Variants in PCNP observed in about 807,000 individuals in gnomAD.
PCNP encodes the protein PEST proteolytic signal-containing nuclear protein.
A neutral mutation model predicts 21.8 loss-of-function variants in PCNP; 6 were observed. That is an observed-to-expected ratio of 0.28 (90% CI 0.15 to 0.54). PCNP has a LOEUF of 0.54. Ranked by LOEUF, PCNP falls within the 20% of genes least tolerant of loss-of-function variation. The pLI is 0.95. For synonymous variants in PCNP, 67 were observed against 73.2 expected (o/e 0.92, Z 0.43); for missense variants, 161 against 215.5 (o/e 0.75, Z 1.58).
chr3:101,593,060 G>A lies in PCNP; in HGVS notation c.*307G>A, dbSNP rs1935898459. On this transcript the variant is annotated 3_prime_UTR_variant, in exon 5 of 5. Transcript: ENST00000265260. ...CATATTTTTTTAGACACAACTATTA[G>A]TACATTAAGAGGGAAGCAAAGTTAC... 1 of 191,878 alleles carries A rather than the reference G, an allele frequency of 5.2e-6. No individual in the cohort carries two copies. The highest frequency in any genetic ancestry group is 1.1e-5 in the Non-Finnish European group (1 of 94,192). 11.9% of individuals were successfully genotyped at this position (191,878 alleles called of 1,614,324 possible).
chr3:101,584,199 C>T (rs948111143), intron 2 of PCNP, among the ~76,000 whole-genome samples: 9 of 152,026 alleles, frequency 5.9e-5, no homozygotes, highest in Non-Finnish European at 5.9e-5. Context: ...AGATGATAGC[C>T]CATTTAGGGG....
intron 3 of PCNP, among the ~76,000 whole-genome samples, chr3:101,586,302 G>C (rs1423920006): frequency 6.6e-6 from 1 of 151,864 alleles, no homozygotes; most frequent in Non-Finnish European, 1.5e-5. Context: ...GGTCCAGAAT[G>C]AGCATGAGAT....
At chr3:101,586,408 G>A (rs1935508561) in intron 3 of PCNP, among the ~76,000 whole-genome samples, 1 of 152,128 alleles carries the variant, frequency 6.6e-6, no homozygotes, top group East Asian at 1.9e-4. Flanking sequence ...TTTCAAGCAT[G>A]ATTCTGACTG....
intron 2 of PCNP, among the ~76,000 whole-genome samples, chr3:101,582,829 G>A (rs1039701242): frequency 6.6e-6 from 1 of 152,224 alleles, no homozygotes; most frequent in Non-Finnish European, 1.5e-5. Flanking sequence ...CAGTTAAGAT[G>A]TGAAGCCATA....
intron 3 of PCNP, among the ~76,000 whole-genome samples, chr3:101,589,366 A>C (rs182182444): frequency 1.3e-5 from 2 of 151,558 alleles, no homozygotes; most frequent in South Asian, 4.2e-4. Flanking sequence ...TTTCCCCACA[A>C]TTTTCAACAC....
intron 1 of PCNP, among the ~76,000 whole-genome samples, chr3:101,575,222 C>T (rs1934806957): frequency 6.6e-6 from 1 of 152,122 alleles, no homozygotes; most frequent in Admixed American, 6.6e-5. Context: ...AAACATTATT[C>T]TCTATTCTGA....
At chr3:101,575,560 AT>A (rs982691524) in intron 1 of PCNP, among the ~76,000 whole-genome samples, 6 of 151,594 alleles carry the variant, frequency 4.0e-5, no homozygotes, top group Non-Finnish European at 5.9e-5. Context: ...TCACTAGGGA[AT>A]TTTTTTTCCC....
At chr3:101,576,874 T>C (rs1401095720) in intron 1 of PCNP, 1 of 1,607,762 alleles carries the variant, frequency 6.2e-7, no homozygotes, top group East Asian at 2.2e-5. Context: ...AAAGGCTATT[T>C]TCCGCTGCCC....
rs539091137 is a variant in PCNP at position 101,586,368 on chromosome 3, T to A, written c.354+857T>A. 7.9e-5 allele frequency among the ~76,000 whole-genome samples: 12 copies of A among 152,140 alleles called. 1 individual carries two copies. The South Asian group carries it at 2.3e-3, about 29-fold the overall frequency. On this transcript the variant is annotated intron_variant, in intron 3 of 4. Transcript: ENST00000265260. ...CCTCATGCCCCTCACAATGTCGTTA[T>A]CTTCCCATGTTATGAATGACCTATG...
At chr3:101,588,220 G>A (rs1295259374) in intron 3 of PCNP, among the ~76,000 whole-genome samples, 3 of 152,100 alleles carry the variant, frequency 2.0e-5, no homozygotes, top group African/African-American at 7.2e-5. Context: ...GCAGTGAGCC[G>A]AGATCGCGCC....
At position 101,593,803 on chromosome 3, in the gene PCNP, A is replaced by G. The variant is rs1445650217; in HGVS notation, c.*1050A>G. ...ATTTTAAATGCGTACATATTGACCA[A>G]TGGCCTCTGAAAAAGCACATTTTAG... is the stretch of plus-strand genomic sequence containing the variant. On this transcript the variant is annotated 3_prime_UTR_variant, in exon 5 of 5. Transcript: ENST00000265260. 1.3e-5 allele frequency: 2 copies of G among 152,648 alleles called. No homozygotes were observed. Among genetic ancestry groups the G allele is most frequent in the East Asian group, 1.9e-4 (1 of 5,202 alleles). The allele number at this position is 152,648 out of a possible 1,614,324, so 9.5% of individuals were successfully genotyped here. A position where few individuals can be genotyped will look rare whatever the true frequency, so the allele number is the denominator to read the frequency against.
intron 3 of PCNP, among the ~76,000 whole-genome samples, chr3:101,586,460 C>T (rs1176288115): frequency 6.6e-6 from 1 of 151,974 alleles, no homozygotes; most frequent in Non-Finnish European, 1.5e-5. Context: ...CTAACCCCCA[C>T]TCATGATGTG....
At chr3:101,587,801 G>T (rs1245215675) in intron 3 of PCNP, among the ~76,000 whole-genome samples, 2 of 152,072 alleles carry the variant, frequency 1.3e-5, no homozygotes, top group Non-Finnish European at 2.9e-5. Flanking sequence ...TGTACAGACT[G>T]TAGGAGGGAA....
In PCNP at chr3:101,581,752, T is replaced by G. The variant is rs570155943; in HGVS notation, c.279+1748T>G. On this transcript the variant is annotated intron_variant, in intron 2 of 4. Transcript: ENST00000265260. ...CTCGGCCCCTCTTTCTTTTTTTTAT[T>G]TTTTTGAGACGGAGTTTAACTCCTG... Among the ~76,000 whole-genome samples the G allele has an allele frequency of 2.0e-5, 3 of 151,230 alleles. No individual in the cohort carries two copies. In the South Asian group the frequency reaches 6.3e-4, roughly 32 times the overall value.
chr3:101,577,617 T>C (rs568014315), intron 1 of PCNP, among the ~76,000 whole-genome samples: 1 of 152,316 alleles, frequency 6.6e-6, no homozygotes, highest in East Asian at 1.9e-4. Context: ...CTCTGCGTCC[T>C]GGGTTCAAGC....
chr3:101,574,272 C>G lies in PCNP; in HGVS notation c.57C>G (p.Ala19=). The change falls in exon 1 of 5, where the codon GCC becomes GCG. Residue 19 remains alanine, a synonymous_variant. Transcript: ENST00000265260. The stretch of plus-strand genomic sequence containing the variant: ...CTGAAAAGTCGCAGCGAGCTGGAGC[C>G]GCCGGAGGTGAACACAACCCCAGCG... ...EKPEKSQRAG[A]AGGPEEEAEK... 1.3e-6 allele frequency: 2 copies of G among 1,543,622 alleles called. No individual in the cohort carries two copies. The highest frequency in any genetic ancestry group is 1.8e-6 in the Non-Finnish European group (2 of 1,142,680).
intron 1 of PCNP, among the ~76,000 whole-genome samples, chr3:101,578,024 C>T (rs1210563856): frequency 6.6e-6 from 1 of 151,908 alleles, no homozygotes; most frequent in Non-Finnish European, 1.5e-5. Flanking sequence ...TAGTAATTTG[C>T]TATTTTATCC....
chr3:101,587,434 C>T (rs1376632255), intron 3 of PCNP, among the ~76,000 whole-genome samples: 1 of 151,948 alleles, frequency 6.6e-6, no homozygotes, highest in East Asian at 1.9e-4. Flanking sequence ...TCAGTGTATT[C>T]TCTCTTGGAC....
chr3:101,585,369 C>T, intron 2 of PCNP, 68 bp from the exon 3 acceptor site: 1 of 890,620 alleles, frequency 1.1e-6, no homozygotes, highest in Non-Finnish European at 1.8e-6. Context: ...ATAAATTATT[C>T]ATATCATTAA....
Sources: gnomAD v4.1 joint callset for allele counts (sites outside exome capture counted in the v4.1 genomes callset) on GRCh38, gnomAD v4.1.1 for gene constraint, MANE v1.5 for transcripts, NCBI Gene and HGNC (gene_info 2026-07-23, HGNC 2026-07-21) for gene names.